PDZRN3: variants seen among roughly 807,000 people sequenced by gnomAD.
PDZRN3 encodes E3 ubiquitin-protein ligase PDZRN3.
A neutral mutation model predicts 85.7 loss-of-function variants in PDZRN3; 38 were observed. That is an observed-to-expected ratio of 0.44 (90% CI 0.34 to 0.58). The LOEUF (loss-of-function observed/expected upper bound fraction) is 0.58. Ranked by LOEUF, PDZRN3 falls within the 20% of genes least tolerant of loss-of-function variation. PDZRN3 has a pLI of 0.01. For missense variants in PDZRN3, 1,629 were observed against 1,506.4 expected, an observed-to-expected ratio of 1.08 and a Z score of -1.35; for synonymous variants, 759 against 638.0, an observed-to-expected ratio of 1.19 and a Z score of -2.86.
chr3:73,449,494 C>T (rs1036548604), intron 3 of PDZRN3, among the ~76,000 whole-genome samples: 4 of 152,070 alleles, frequency 2.6e-5, no homozygotes, highest in South Asian at 2.1e-4. Flanking sequence ...GCAAATCCTC[C>T]GTGGATGCAT....
At chr3:73,527,954 C>T (rs1211058409) in intron 3 of PDZRN3, among the ~76,000 whole-genome samples, 1 of 152,238 alleles carries the variant, frequency 6.6e-6, no homozygotes, top group Admixed American at 6.5e-5. Flanking sequence ...TGTTCATTGG[C>T]TCAACTCATG....
intron 8 of PDZRN3, among the ~76,000 whole-genome samples, chr3:73,387,160 G>A (rs1395714661): frequency 6.6e-6 from 1 of 152,194 alleles, no homozygotes; most frequent in African/African-American, 2.4e-5. Context: ...ATGTGGAACT[G>A]TGAGTCCATG....
rs140037400 is a variant in PDZRN3 at position 73,402,941 on chromosome 3, C to CTTTTTTTTTTTTTTTTTT, written c.1166+1189_1166+1206dup. Among the ~76,000 whole-genome samples the CTTTTTTTTTTTTTTTTTT allele has an allele frequency of 2.1e-4, 24 of 115,648 alleles. 1 individual carries two copies. The highest frequency in any genetic ancestry group is 5.6e-4 in the African/African-American group (15 of 26,750). 75.9% of individuals were successfully genotyped at this position (115,648 alleles called of 152,430 possible). ...GATGTGCAAAGTCACACATGAAAAG[C>CTTTTTTTTTTTTTTTTTT]TTTTTTTTTTTTTTTTTTTTGAGAC... On this transcript the variant is annotated intron_variant, in intron 4 of 9. Transcript: ENST00000263666.
chr3:73,541,083 G>A (rs1704910333), intron 3 of PDZRN3, among the ~76,000 whole-genome samples: 1 of 152,096 alleles, frequency 6.6e-6, no homozygotes, highest in South Asian at 2.1e-4. Context: ...CATTTATGGA[G>A]GTTAATAAAA....
chr3:73,547,127 G>C (rs1701445004), intron 3 of PDZRN3, among the ~76,000 whole-genome samples: 1 of 152,260 alleles, frequency 6.6e-6, no homozygotes, highest in African/African-American at 2.4e-5. Flanking sequence ...CTAAGCTCTT[G>C]AATGGCTTTC....
intron 3 of PDZRN3, among the ~76,000 whole-genome samples, chr3:73,480,818 C>T (rs151022141): frequency 5.9e-5 from 9 of 152,284 alleles, no homozygotes; most frequent in Non-Finnish European, 1.0e-4. Flanking sequence ...CAACCTAGTA[C>T]GCATACTTTG....
chr3:73,579,755 G>A (rs141508250), intron 3 of PDZRN3, among the ~76,000 whole-genome samples: 1 of 152,108 alleles, frequency 6.6e-6, no homozygotes, highest in Non-Finnish European at 1.5e-5. Context: ...CAACTGAGAG[G>A]TTATTTTGTA....
intron 3 of PDZRN3, among the ~76,000 whole-genome samples, chr3:73,513,393 C>T (rs987366156): frequency 6.4e-4 from 97 of 152,160 alleles, no homozygotes; most frequent in African/African-American, 2.1e-3. Context: ...AGAGGCTCTT[C>T]GGAACCATAA....
intron 3 of PDZRN3, among the ~76,000 whole-genome samples, chr3:73,498,440 C>G (rs1703910356): frequency 6.6e-6 from 1 of 152,152 alleles, no homozygotes; most frequent in South Asian, 2.1e-4. Flanking sequence ...AACAACACCA[C>G]CTAGGCATTT....
intron 3 of PDZRN3, among the ~76,000 whole-genome samples, chr3:73,472,110 C>A (rs944367577): frequency 6.6e-6 from 1 of 152,160 alleles, no homozygotes; most frequent in African/African-American, 2.4e-5. Flanking sequence ...CTGGTGTTAG[C>A]AAAGCAATGC....
At position 73,389,803 on chromosome 3, in the gene PDZRN3, G is replaced by T; in HGVS notation, c.1416+13C>A. 6.3e-7 allele frequency: 1 copy of T among 1,599,100 alleles called. No individual in the cohort carries two copies. The highest frequency in any genetic ancestry group is 8.6e-7 in the Non-Finnish European group (1 of 1,166,378). ...AGGCCCATCATGAGGCCATTGTTTG[G>T]AAGTGGACTTACCTGGATAATGCGG... On this transcript the variant is annotated intron_variant, in intron 7 of 9. Coordinates refer to ENST00000263666, the MANE Select transcript of PDZRN3 (RefSeq NM_015009.3).
intron 3 of PDZRN3, among the ~76,000 whole-genome samples, chr3:73,545,292 T>C (rs1007826096): frequency 1.3e-5 from 2 of 152,176 alleles, no homozygotes; most frequent in Non-Finnish European, 2.9e-5. Context: ...CAGCAACCTC[T>C]TCCCTAGAAA....
intron 3 of PDZRN3, among the ~76,000 whole-genome samples, chr3:73,565,709 G>A (rs535361655): frequency 2.6e-4 from 40 of 151,940 alleles, no homozygotes; most frequent in South Asian, 2.1e-4. Context: ...AGACTGAAGC[G>A]GGTGGATCAC....
intron 1 of PDZRN3, among the ~76,000 whole-genome samples, chr3:73,622,347 G>A (rs892874014): frequency 2.6e-5 from 4 of 152,218 alleles, no homozygotes; most frequent in Non-Finnish European, 5.9e-5. Context: ...CTGGGAGAGG[G>A]CAGAGAGAGG....
intron 3 of PDZRN3, among the ~76,000 whole-genome samples, chr3:73,579,132 T>C (rs1702163636): frequency 1.3e-5 from 2 of 152,256 alleles, no homozygotes; most frequent in Non-Finnish European, 1.5e-5. Flanking sequence ...GGTTCTACCC[T>C]TGGGACTAGG....
At chr3:73,456,267 A>G (rs1304511213) in intron 3 of PDZRN3, among the ~76,000 whole-genome samples, 1 of 152,098 alleles carries the variant, frequency 6.6e-6, no homozygotes, top group Non-Finnish European at 1.5e-5. Context: ...CTTCTGTGGA[A>G]TAATTAAGGT....
intron 5 of PDZRN3, among the ~76,000 whole-genome samples, chr3:73,392,679 G>C (rs1011100907): frequency 6.6e-6 from 1 of 152,180 alleles, no homozygotes; most frequent in Middle Eastern, 3.2e-3. Flanking sequence ...GTTTGTGGCA[G>C]AGTGGGTATA....
intron 5 of PDZRN3, among the ~76,000 whole-genome samples, chr3:73,399,779 T>G (rs1326226116): frequency 6.6e-6 from 1 of 152,198 alleles, no homozygotes; most frequent in African/African-American, 2.4e-5. Context: ...CAGGTGCATT[T>G]AGGGAAAATT....
intron 3 of PDZRN3, among the ~76,000 whole-genome samples, chr3:73,453,116 A>C (rs1261445506): frequency 6.6e-6 from 1 of 152,154 alleles, no homozygotes; most frequent in East Asian, 1.9e-4. Context: ...GCTAGAAAGA[A>C]CTTGCTGTTG....
Sources: allele counts gnomAD v4.1 joint callset (sites outside exome capture counted in the v4.1 genomes callset), GRCh38; gene constraint gnomAD v4.1.1; transcripts MANE v1.5; gene names NCBI Gene and HGNC (gene_info 2026-07-23, HGNC 2026-07-21).